The following TMTC2 variants were observed in gnomAD, a reference collection of about 807,000 sequenced individuals.
TMTC2 encodes transmembrane O-mannosyltransferase targeting cadherins 2.
A neutral mutation model predicts 82.4 loss-of-function variants in TMTC2; 43 were observed. The observed-to-expected ratio is 0.52, with a 90% confidence interval of 0.41 to 0.67. The LOEUF (loss-of-function observed/expected upper bound fraction) is 0.67, where lower values mean the gene tolerates loss of function less well. Ranked by LOEUF, TMTC2 falls within the 30% of genes least tolerant of loss-of-function variation. TMTC2 has a pLI of 0.00. For synonymous variants in TMTC2, 408 were observed against 381.9 expected (o/e 1.07, Z -0.80); for missense variants, 919 against 1,012.4 (o/e 0.91, Z 1.25).
chr12:82,874,957 G>A (rs149492166), intron 2 of TMTC2, among the ~76,000 whole-genome samples: 86 of 151,966 alleles, frequency 5.7e-4, no homozygotes, highest in African/African-American at 1.8e-3. Context: ...AAAAAAAATC[G>A]TTAAGTGCCA....
chr12:82,911,889 T>C (rs904452431), intron 3 of TMTC2, among the ~76,000 whole-genome samples: 2 of 152,170 alleles, frequency 1.3e-5, no homozygotes, highest in African/African-American at 4.8e-5. Flanking sequence ...GGACTACAGG[T>C]GTGAACCACC....
intron 6 of TMTC2, 32 bp downstream of exon 6, chr12:82,965,776 C>T (rs763905659): frequency 8.7e-6 from 14 of 1,611,000 alleles, no homozygotes; most frequent in Admixed American, 6.7e-5. Flanking sequence ...CCTTTTCCCT[C>T]CCCCTTGTTC....
At chr12:82,786,517 C>T (rs1477145290) in intron 1 of TMTC2, among the ~76,000 whole-genome samples, 1 of 152,096 alleles carries the variant, frequency 6.6e-6, no homozygotes, top group Non-Finnish European at 1.5e-5. Flanking sequence ...AATTACTTCT[C>T]CGGCTGGTAT....
chr12:82,904,914 G>A (rs1310350465), intron 3 of TMTC2, among the ~76,000 whole-genome samples: 4 of 150,784 alleles, frequency 2.7e-5, no homozygotes, highest in Admixed American at 6.6e-5. Context: ...TCCAATTTCC[G>A]ACAGCTTTCT....
chr12:82,930,203 T>C (rs1424535198), intron 3 of TMTC2, among the ~76,000 whole-genome samples: 2 of 152,234 alleles, frequency 1.3e-5, no homozygotes, highest in Non-Finnish European at 2.9e-5. Context: ...ATGAACTGTA[T>C]ATGTATATCT....
rs1386930682 is a variant in TMTC2, at chr12:82,975,045, GA to G, written c.1948+8050del. Among the ~76,000 whole-genome samples, 6 of 152,214 alleles carry G rather than the reference GA, an allele frequency of 3.9e-5. No individual in the cohort carries two copies. In the East Asian group the frequency reaches 1.2e-3, roughly 29 times the overall value. ...GTATCTATCTATGACTTGTTTCAGG[GA>G]AGACAGAGAGGTGGGAGACAGGAGA... On this transcript the variant is annotated intron_variant, in intron 7 of 11. Transcript: ENST00000321196.
intron 11 of TMTC2, among the ~76,000 whole-genome samples, chr12:83,118,123 G>A (rs12302377): frequency 0.035 from 5,362 of 152,162 alleles, 151 homozygotes; most frequent in South Asian, 0.1. Flanking sequence ...AACAGTGACA[G>A]TTTGACTTCC....
chr12:82,798,595 C>T (rs1211499580), intron 1 of TMTC2, among the ~76,000 whole-genome samples: 1 of 151,162 alleles, frequency 6.6e-6, no homozygotes, highest in Admixed American at 6.6e-5. Context: ...CACTTGAGTT[C>T]AGGAGTTTTG....
chr12:82,814,344 G>A (rs1206986151), intron 1 of TMTC2, among the ~76,000 whole-genome samples: 1 of 152,128 alleles, frequency 6.6e-6, no homozygotes, highest in African/African-American at 2.4e-5. Flanking sequence ...AAAAGAATGA[G>A]ATGGAAAAGA....
Position 82,737,247 on chromosome 12 carries a change from A to G in TMTC2, c.83+49578A>G, listed in dbSNP as rs368972527. On this transcript the variant is annotated intron_variant, in intron 1 of 11. Transcript: ENST00000321196. ...ATTGATGTAATTTAAATACCAGTTA[A>G]GTTTAGCAGTAATTTAGCCAAATGA... Among the ~76,000 whole-genome samples the G allele has an allele frequency of 2.7e-4, 41 of 152,336 alleles. 4 individuals are homozygous for G. The highest frequency in any genetic ancestry group is 9.1e-4 in the African/African-American group (38 of 41,582).
intron 1 of TMTC2, among the ~76,000 whole-genome samples, chr12:82,705,016 G>A (rs774102648): frequency 6.6e-6 from 1 of 152,188 alleles, no homozygotes. Context: ...CCATAAAAAG[G>A]AATGAATTAA....
At chr12:82,811,807 CTTTTTTTTTTTTTT>C (rs1171596880) in intron 1 of TMTC2, among the ~76,000 whole-genome samples, 2 of 91,096 alleles carry the variant, frequency 2.2e-5, no homozygotes, top group Admixed American at 1.3e-4. Context: ...TGCTCTCCTT[CTTTTTTTTTTTTTT>C]TTTTTTTTTT....
chr12:82,874,967 A>G (rs185140995), intron 2 of TMTC2, among the ~76,000 whole-genome samples: 1 of 152,330 alleles, frequency 6.6e-6, no homozygotes, highest in Admixed American at 6.5e-5. Flanking sequence ...GTTAAGTGCC[A>G]TGCTTGATCC....
chr12:83,031,010 T>C (rs1881408549), intron 9 of TMTC2, 131 bp downstream of exon 9: 1 of 633,740 alleles, frequency 1.6e-6, no homozygotes, highest in African/African-American at 1.8e-5. Flanking sequence ...AGCCTCATGC[T>C]ATATTCCTAC....
At chr12:83,123,449 T>G (rs991887615) in intron 11 of TMTC2, among the ~76,000 whole-genome samples, 1 of 152,238 alleles carries the variant, frequency 6.6e-6, no homozygotes, top group African/African-American at 2.4e-5. Flanking sequence ...CTTTTTTGAT[T>G]TATTCAAAAT....
chr12:82,997,487 G>T (rs765470346), intron 8 of TMTC2, among the ~76,000 whole-genome samples: 2 of 141,482 alleles, frequency 1.4e-5, no homozygotes, highest in Non-Finnish European at 3.1e-5. Flanking sequence ...CTGTATTTAT[G>T]TAGGCATATG....
chr12:83,034,192 G>A (rs1485059893), intron 9 of TMTC2, among the ~76,000 whole-genome samples: 2 of 152,132 alleles, frequency 1.3e-5, no homozygotes, highest in Non-Finnish European at 2.9e-5. Flanking sequence ...TCTTTAGAAG[G>A]TGATGAGGTA....
chr12:83,015,746 G>T (rs1174848104), intron 8 of TMTC2, among the ~76,000 whole-genome samples: 1 of 152,152 alleles, frequency 6.6e-6, no homozygotes, highest in African/African-American at 2.4e-5. Context: ...ATTTCATTTT[G>T]TAATAATGCC....
intron 1 of TMTC2, among the ~76,000 whole-genome samples, chr12:82,732,499 C>A (rs1184453400): frequency 6.6e-6 from 1 of 152,138 alleles, no homozygotes; most frequent in African/African-American, 2.4e-5. Flanking sequence ...CCCGCCACCA[C>A]GCTTGGCTAA....
Sources: gnomAD v4.1 joint callset for allele counts (sites outside exome capture counted in the v4.1 genomes callset) on GRCh38, gnomAD v4.1.1 for gene constraint, MANE v1.5 for transcripts, NCBI Gene and HGNC (gene_info 2026-07-23, HGNC 2026-07-21) for gene names.